Variants in SDK1 observed in about 807,000 individuals in gnomAD.
SDK1 encodes the protein protein sidekick-1.
A neutral mutation model predicts 245.5 loss-of-function variants in SDK1; 157 were observed. The ratio of observed to expected loss-of-function variants is 0.64; its 90% confidence interval spans 0.56 to 0.73. The LOEUF is 0.73. Ranked by LOEUF, SDK1 falls within the 30% of genes least tolerant of loss-of-function variation. SDK1 has a pLI of 0.00. For synonymous variants in SDK1, 1,647 were observed against 1,278.5 expected (o/e 1.29, Z -6.15); for missense variants, 3,583 against 3,002.3 (o/e 1.19, Z -4.52).
At chr7:3,897,373 C>T (rs549420714) in intron 5 of SDK1, among the ~76,000 whole-genome samples, 28 of 152,296 alleles carry the variant, frequency 1.8e-4, no homozygotes, top group Non-Finnish European at 3.5e-4. Context: ...TCCCCTTCCC[C>T]AGCCCCTGGC....
At chr7:3,588,483 T>C (rs770906392) in intron 1 of SDK1, among the ~76,000 whole-genome samples, 13 of 152,196 alleles carry the variant, frequency 8.5e-5, no homozygotes, top group Non-Finnish European at 1.9e-4. Context: ...TCGAAGTGTT[T>C]AGTTTTTCTT....
At chr7:4,057,901 A>G (rs1050957898) in intron 19 of SDK1, among the ~76,000 whole-genome samples, 1 of 152,238 alleles carries the variant, frequency 6.6e-6, no homozygotes, top group Non-Finnish European at 1.5e-5. Flanking sequence ...ATCTTCAGGA[A>G]AAAGCCCTCC....
At chr7:3,644,787 AAAAAAC>A (rs1288394027) in intron 4 of SDK1, among the ~76,000 whole-genome samples, 10 of 94,334 alleles carry the variant, frequency 1.1e-4, no homozygotes, top group African/African-American at 3.3e-4. Context: ...AAAAAAAAAA[AAAAAAC>A]AAAAAACAAC....
At chr7:4,252,598 G>C (rs985100056) in intron 44 of SDK1, among the ~76,000 whole-genome samples, 1 of 152,042 alleles carries the variant, frequency 6.6e-6, no homozygotes, top group Non-Finnish European at 1.5e-5. Flanking sequence ...ACTTATAAGG[G>C]ATATAGGTCT....
chr7:3,735,917 A>G (rs1348708731), intron 4 of SDK1, among the ~76,000 whole-genome samples: 2 of 152,150 alleles, frequency 1.3e-5, no homozygotes, highest in African/African-American at 2.4e-5. Context: ...TGCGGTTTTA[A>G]TTCCATTTTC....
At chr7:3,603,034 G>T (rs1167847510) in intron 1 of SDK1, among the ~76,000 whole-genome samples, 2 of 152,032 alleles carry the variant, frequency 1.3e-5, no homozygotes, top group Non-Finnish European at 2.9e-5. Flanking sequence ...CTGTTCCATT[G>T]ATCTATATCT....
intron 1 of SDK1, among the ~76,000 whole-genome samples, chr7:3,529,113 A>C (rs1783254365): frequency 6.6e-6 from 1 of 152,212 alleles, no homozygotes; most frequent in Non-Finnish European, 1.5e-5. Flanking sequence ...GGAAAGGGGA[A>C]AGATTAAAAA....
chr7:3,957,193 A>C (rs1038548656), intron 7 of SDK1, among the ~76,000 whole-genome samples: 2 of 152,196 alleles, frequency 1.3e-5, no homozygotes, highest in South Asian at 4.1e-4. Flanking sequence ...GCTCCTGGTC[A>C]TGGAAGGCAA....
intron 1 of SDK1, among the ~76,000 whole-genome samples, chr7:3,317,631 T>C (rs1404915009): frequency 1.3e-5 from 2 of 152,202 alleles, no homozygotes; most frequent in Non-Finnish European, 2.9e-5. Flanking sequence ...GTATTAAGAT[T>C]TTCTACTTGC....
chr7:4,215,777 G>C (rs552799405), intron 38 of SDK1, among the ~76,000 whole-genome samples: 3 of 152,184 alleles, frequency 2.0e-5, no homozygotes, highest in South Asian at 2.1e-4. Flanking sequence ...CCTATTACTT[G>C]ATGCGTTCTT....
chr7:4,007,760 C>T (rs1011720039), intron 14 of SDK1, among the ~76,000 whole-genome samples: 1 of 150,994 alleles, frequency 6.6e-6, no homozygotes, highest in Non-Finnish European at 1.5e-5. Flanking sequence ...CCTGCCACCA[C>T]GCCCGGCTAA....
chr7:4,180,325 GCCCGGCTCCAGCTCTATGCCCAGCA>G (rs1562398636), intron 35 of SDK1, among the ~76,000 whole-genome samples: 1 of 148,016 alleles, frequency 6.8e-6, no homozygotes, highest in Non-Finnish European at 1.5e-5. Context: ...TATGCCCAGT[GCCCGGCTCCAGCTCTATGCCCAGCA>G]CCCGGCTCCA....
chr7:4,158,418 C>T, intron 30 of SDK1, 30 bp from the exon 31 acceptor site: 1 of 1,574,920 alleles, frequency 6.3e-7, no homozygotes, highest in Non-Finnish European at 8.7e-7. Context: ...TGGCAGGGCC[C>T]CGGCAGTCAC....
intron 1 of SDK1, among the ~76,000 whole-genome samples, chr7:3,497,851 C>G (rs1366372200): frequency 1.3e-5 from 2 of 152,188 alleles, no homozygotes; most frequent in African/African-American, 2.4e-5. Flanking sequence ...ATCTAATCCC[C>G]TCACTGCACA....
At chr7:3,758,600 T>G (rs1780004454) in intron 4 of SDK1, among the ~76,000 whole-genome samples, 1 of 152,186 alleles carries the variant, frequency 6.6e-6, no homozygotes, top group Non-Finnish European at 1.5e-5. Context: ...GCCACTGTGT[T>G]TGTTTGACGT....
At position 4,265,147 on chromosome 7, in the gene SDK1, C is replaced by T. The variant is rs767222342; in HGVS notation, c.6405C>T (p.Asp2135=). ...AGGCCACGGACTCTGACTACGAGGA[C>T]GCGCTGCCCAAGCACTCCTTCGTGA... The part of the protein sequence containing the change: ...ESEATDSDYE[D]ALPKHSFVNH... Residue 2135 remains aspartate (D), a synonymous_variant, in exon 45 of 45, where the codon GAC becomes GAT. Transcript: ENST00000404826. The T allele has an allele frequency of 6.8e-6, 11 of 1,612,056 alleles. No individual in the cohort carries two copies. Among genetic ancestry groups the T allele is most frequent in the East Asian group, 2.2e-5 (1 of 44,870 alleles).
intron 1 of SDK1, among the ~76,000 whole-genome samples, chr7:3,562,777 C>G (rs1366341688): frequency 6.6e-6 from 1 of 152,112 alleles, no homozygotes; most frequent in Non-Finnish European, 1.5e-5. Flanking sequence ...GCCCAATTGT[C>G]ACTCACACGT....
chr7:3,701,271 C>T (rs748496675), intron 4 of SDK1, among the ~76,000 whole-genome samples: 1 of 152,100 alleles, frequency 6.6e-6, no homozygotes, highest in Admixed American at 6.5e-5. Context: ...TACAAAATAC[C>T]GATGACAGAA....
chr7:4,020,248 G>A (rs1383827634), intron 17 of SDK1, among the ~76,000 whole-genome samples: 3 of 152,174 alleles, frequency 2.0e-5, no homozygotes, highest in African/African-American at 7.2e-5. Flanking sequence ...GCTGGGGTCA[G>A]GCACGTGGCA....
Sources: allele counts gnomAD v4.1 joint callset (sites outside exome capture counted in the v4.1 genomes callset), GRCh38; gene constraint gnomAD v4.1.1; transcripts MANE v1.5; gene names NCBI Gene and HGNC (gene_info 2026-07-23, HGNC 2026-07-21).